Variants in OGFOD3 observed in about 807,000 individuals in gnomAD.
OGFOD3 encodes 2-oxoglutarate and iron dependent oxygenase domain containing 3.
Under a neutral mutation model 39.8 loss-of-function variants are expected in OGFOD3, and 35 were observed. The ratio of observed to expected loss-of-function variants is 0.88; its 90% CI spans 0.67 to 1.17. The LOEUF (loss-of-function observed/expected upper bound fraction) is 1.17. OGFOD3 is among the 50% of genes most tolerant of loss of function. The pLI, the probability that OGFOD3 is intolerant of heterozygous loss-of-function variation, is 0.00. For missense variants in OGFOD3, 438 were observed against 454.5 expected (o/e 0.96, Z 0.33); for synonymous variants, 200 against 192.0 (o/e 1.04, Z -0.34).
chr17:82,413,337 G>A (rs559432605), intron 2 of OGFOD3, among the ~76,000 whole-genome samples: 1 of 152,196 alleles, frequency 6.6e-6, no homozygotes, highest in South Asian at 2.1e-4. Flanking sequence ...AGACAGCATC[G>A]CCCCATGACA....
chr17:82,415,287 G>A lies in OGFOD3; in HGVS notation c.304+111C>T. 2 of 1,098,662 alleles carry A rather than the reference G, an allele frequency of 1.8e-6. No homozygotes were observed. The highest frequency in any genetic ancestry group is 2.4e-5 in the East Asian group (1 of 41,904). 68.1% of individuals were successfully genotyped at this position (1,098,662 alleles called of 1,614,324 possible). A position where few individuals can be genotyped will look rare whatever the true frequency, so the allele number is the denominator to read the frequency against. The stretch of plus-strand genomic sequence containing the variant: ...GCCAGCCTGCAGGAGGGGAGAGGTT[G>A]TCTGCTACCCCCAAGCATACCACAT... On this transcript the variant is annotated intron_variant, in intron 2 of 8. Coordinates refer to ENST00000313056, the MANE Select transcript of OGFOD3 (RefSeq NM_024648.3). The surrounding 1 kb of genome is among the most constrained non-coding windows in gnomAD (Gnocchi z 5.3).
intron 8 of OGFOD3, chr17:82,393,718 T>C (rs2052627981): frequency 6.6e-6 from 1 of 152,210 alleles, no homozygotes; most frequent in Non-Finnish European, 1.5e-5. Context: ...GCTCGCGCCA[T>C]TTGGGACCTC....
At chr17:82,398,046 T>C in intron 8 of OGFOD3, 150 bp downstream of exon 8, 3 of 969,758 alleles carry the variant, frequency 3.1e-6, no homozygotes, top group Non-Finnish European at 4.6e-6. Context: ...GTGTTGGGAC[T>C]GGCGCTAGAC....
chr17:82,404,881 C>T lies in OGFOD3; in HGVS notation c.545+443G>A, dbSNP rs915651894. ...TCAGCCTCCGGGGTAGCTGGGATTA[C>T]AGGCACCCGCCACCGCACCCAACTA... On this transcript the variant is annotated intron_variant, in intron 6 of 8. Transcript: ENST00000313056. The surrounding 1 kb of genome is among the most constrained non-coding windows in gnomAD (Gnocchi z 4.5). Among the ~76,000 whole-genome samples, 2 of 151,790 alleles carry T rather than the reference C, an allele frequency of 1.3e-5. No individual in the cohort carries two copies. The highest frequency in any genetic ancestry group is 2.9e-5 in the Non-Finnish European group (2 of 67,964).
At position 82,415,604 on chromosome 17, in the gene OGFOD3, C is replaced by A. The variant is rs527862857; in HGVS notation, c.98G>T (p.Arg33Leu). Residue 33 changes from arginine (R) to leucine (L), a missense_variant, in exon 2 of 9, where the codon CGG (arginine) becomes CTG (leucine). Arg to Leu is a moderately radical substitution (Grantham distance 102). Coordinates refer to ENST00000313056, the MANE Select transcript of OGFOD3 (RefSeq NM_024648.3). This position sits in a 1 kb window ranked among gnomAD's most constrained non-coding sequence, Gnocchi z 5.3. Reference sequence around the variant, plus strand: ...CCTCTGCCACAGCCTCTGCACCTCCCGCGGGGCTCGGTCCTTCTTGGTGCT... The same window carrying A: ...CCTCTGCCACAGCCTCTGCACCTCCAGCGGGGCTCGGTCCTTCTTGGTGCT... ...RSSTKKDRAP[R>L]EVQRLWQRPW... 6.2e-7 allele frequency: 1 copy of A among 1,612,594 alleles called. No individual in the cohort carries two copies. The highest frequency in any genetic ancestry group is 1.7e-5 in the Admixed American group (1 of 59,914).
chr17:82,406,126 T>C lies in OGFOD3; in HGVS notation c.488+292A>G, dbSNP rs965770387. 1.3e-5 allele frequency among the ~76,000 whole-genome samples: 2 copies of C among 152,168 alleles called. No individual in the cohort carries two copies. Among genetic ancestry groups the C allele is most frequent in the Admixed American group, 1.3e-4 (2 of 15,272 alleles). ...GCTCCTGGGAGCCTCCCATCTCTGC[T>C]GCCTCTTGCTCCCATCCCTTCTGTC... is the stretch of plus-strand genomic sequence containing the variant. On this transcript the variant is annotated intron_variant, in intron 5 of 8. Coordinates refer to ENST00000313056, the MANE Select transcript of OGFOD3 (RefSeq NM_024648.3). This position sits in a 1 kb window ranked among gnomAD's most constrained non-coding sequence, Gnocchi z 5.2.
At chr17:82,401,665 G>C (rs1367328823) in intron 7 of OGFOD3, among the ~76,000 whole-genome samples, 1 of 151,268 alleles carries the variant, frequency 6.6e-6, no homozygotes, top group East Asian at 2.0e-4. Context: ...TTAGCCGGCC[G>C]CAGTGGCACG....
chr17:82,412,468 G>A (rs2052966106), intron 2 of OGFOD3, among the ~76,000 whole-genome samples: 1 of 145,384 alleles, frequency 6.9e-6, no homozygotes, highest in African/African-American at 2.6e-5. Context: ...ATCGGGGCAG[G>A]GGCAAGGTCG....
intron 2 of OGFOD3, 141 bp from the exon 3 acceptor site, chr17:82,411,671 A>C (rs770648759): frequency 4.6e-6 from 3 of 657,184 alleles, no homozygotes; most frequent in Non-Finnish European, 8.1e-6. Flanking sequence ...TCCAGCGTGC[A>C]TGCGCTTTGT....
chr17:82,412,219 G>A lies in OGFOD3; in HGVS notation c.305-689C>T, dbSNP rs114677016. ...ATGCCCCTGTCTCTCCCCGTACCTT[G>A]GTGACCTGCGGAGGCTGAGAGGGAA... On this transcript the variant is annotated intron_variant, in intron 2 of 8. Transcript: ENST00000313056. 2.7e-3 allele frequency among the ~76,000 whole-genome samples: 405 copies of A among 152,228 alleles called. 5 individuals carry two copies. The highest frequency in any genetic ancestry group is 9.4e-3 in the African/African-American group (391 of 41,502).
At chr17:82,411,748 A>G in intron 2 of OGFOD3, 1 of 546,850 alleles carries the variant, frequency 1.8e-6, no homozygotes, top group Non-Finnish European at 3.2e-6. Context: ...CTGGAAATTT[A>G]ATCCAGAGGC....
At chr17:82,401,803 C>CAAAAAAAAAAAAAGAAAAAAAAAAA (rs2052768518) in intron 7 of OGFOD3, among the ~76,000 whole-genome samples, 1 of 61,724 alleles carries the variant, frequency 1.6e-5, no homozygotes, top group Non-Finnish European at 2.7e-5. Context: ...GACTCCATCT[C>CAAAAAAAAAAAAAGAAAAAAAAAAA]AAAAAAAAAA....
intron 7 of OGFOD3, 90 bp downstream of exon 7, chr17:82,403,847 G>A (rs1455893520): frequency 2.8e-6 from 4 of 1,438,030 alleles, no homozygotes; most frequent in Non-Finnish European, 3.7e-6. Context: ...CCACGAGCGC[G>A]CTCACCCTGC....
At chr17:82,413,889 A>AG in intron 2 of OGFOD3, among the ~76,000 whole-genome samples, 1 of 151,846 alleles carries the variant, frequency 6.6e-6, no homozygotes, top group East Asian at 1.9e-4. Context: ...AAAAAAAAAA[A>AG]AAAGAAGAAA....
chr17:82,397,944 T>C (rs572417649), intron 8 of OGFOD3, among the ~76,000 whole-genome samples: 7 of 151,960 alleles, frequency 4.6e-5, no homozygotes, highest in Non-Finnish European at 1.0e-4. Context: ...ATGGTGCCTG[T>C]CAAGGTGACA....
chr17:82,404,576 T>C lies in OGFOD3; in HGVS notation c.546-486A>G, dbSNP rs1392600720. ...AGGGACTCTCGCTCAGAAGACCCCA[T>C]GTGCCAGGCCAGAGCGGCTCTGAAA... On this transcript the variant is annotated intron_variant, in intron 6 of 8. Transcript: ENST00000313056. The surrounding 1 kb of genome is among the most constrained non-coding windows in gnomAD (Gnocchi z 4.5). Among the ~76,000 whole-genome samples, 6 of 151,680 alleles carry C rather than the reference T, an allele frequency of 4.0e-5. No individual in the cohort carries two copies. Among genetic ancestry groups the C allele is most frequent in the Non-Finnish European group, 8.8e-5 (6 of 67,946 alleles).
Position 82,406,570 on chromosome 17 carries a change from G to C in OGFOD3, c.424-88C>G. 2.6e-6 allele frequency: 3 copies of C among 1,134,300 alleles called. No homozygotes were observed. Among genetic ancestry groups the C allele is most frequent in the Non-Finnish European group, 1.3e-6 (1 of 748,108 alleles). The allele number at this position is 1,134,300 out of a possible 1,614,324, so 70.3% of individuals were successfully genotyped here. A position where few individuals can be genotyped will look rare whatever the true frequency, so the allele number is the denominator to read the frequency against. The stretch of plus-strand genomic sequence containing the variant: ...ATGGATGGTAAATGCGAGTTTCCAA[G>C]GTCTGGCCAGCACACACCTCAGGTG... On this transcript the variant is annotated intron_variant, in intron 4 of 8. Coordinates refer to ENST00000313056, the MANE Select transcript of OGFOD3 (RefSeq NM_024648.3). The surrounding 1 kb of genome is among the most constrained non-coding windows in gnomAD (Gnocchi z 5.2).
chr17:82,398,239 C>T lies in OGFOD3; in HGVS notation c.780G>A (p.Met260Ile). 1 of 1,614,142 alleles carries T rather than the reference C, an allele frequency of 6.2e-7. No individual in the cohort carries two copies. The highest frequency in any genetic ancestry group is 8.5e-7 in the Non-Finnish European group (1 of 1,180,010). The change falls in exon 8 of 9, where the codon ATG (methionine) becomes ATA (isoleucine). Residue 260 changes from methionine (M) to isoleucine (I), a missense_variant. By Grantham distance (10) the Met-to-Ile change is conservative. Transcript: ENST00000313056. ...TCTTGTTGGCACCCTCCTCCATGAA[C>T]ATGAACCGCCCTCCGCCGAAGTCCT... ...YLEDFGGGRF[M>I]FMEEGANKTV...
intron 8 of OGFOD3, chr17:82,394,440 C>G (rs747513970): frequency 3.7e-6 from 6 of 1,613,722 alleles, no homozygotes; most frequent in Non-Finnish European, 5.1e-6. Context: ...GGTGGTGAGT[C>G]CCCGGAGGAC....
Sources: allele counts gnomAD v4.1 joint callset (sites outside exome capture counted in the v4.1 genomes callset), GRCh38; gene constraint gnomAD v4.1.1; non-coding constraint Gnocchi (gnomAD v3.1); transcripts MANE v1.5; gene names NCBI Gene and HGNC (gene_info 2026-07-23, HGNC 2026-07-21).